The following KATNBL1 variants were observed in gnomAD, a reference collection of about 807,000 sequenced individuals.
KATNBL1 encodes the protein KATNB1-like protein 1.
KATNBL1 carries 28 observed loss-of-function variants against 44.7 expected under a neutral mutation model. The ratio of observed to expected loss-of-function variants is 0.63; its 90% CI spans 0.46 to 0.86. KATNBL1 has a LOEUF of 0.86. Among genes scored for constraint, KATNBL1 ranks in the 40% least tolerant of loss-of-function variants. The pLI is 0.00. For missense variants in KATNBL1, 272 were observed against 350.7 expected, an observed-to-expected ratio of 0.78 and a Z score of 1.79; for synonymous variants, 78 against 114.9, an observed-to-expected ratio of 0.68 and a Z score of 2.06.
At chr15:34,147,126 A>C in intron 7 of KATNBL1, 74 bp downstream of exon 7, 3 of 886,516 alleles carry the variant, frequency 3.4e-6, no homozygotes, top group Non-Finnish European at 3.7e-6. Flanking sequence ...AGCCCAATCT[A>C]CTATGTACTC....
chr15:34,156,593 T>C (rs1888645474), intron 2 of KATNBL1, among the ~76,000 whole-genome samples: 1 of 152,190 alleles, frequency 6.6e-6, no homozygotes. Context: ...TGTCATTAGA[T>C]GGAGGAAGAA....
intron 9 of KATNBL1, chr15:34,144,921 A>T: frequency 3.3e-6 from 1 of 299,780 alleles, no homozygotes; most frequent in Non-Finnish European, 5.0e-6. Flanking sequence ...AGCAATTTTT[A>T]CTTTTTCCTT....
chr15:34,176,242 G>A (rs547209798), intron 1 of KATNBL1, among the ~76,000 whole-genome samples: 2 of 151,904 alleles, frequency 1.3e-5, no homozygotes, highest in African/African-American at 2.4e-5. Context: ...GCTGGGCGTG[G>A]TGGCAGGCGC....
At chr15:34,164,983 T>C (rs1160575170) in intron 1 of KATNBL1, among the ~76,000 whole-genome samples, 1 of 152,248 alleles carries the variant, frequency 6.6e-6, no homozygotes, top group African/African-American at 2.4e-5. Flanking sequence ...CATGAAATTT[T>C]ACAAATAATT....
chr15:34,152,275 A>G (rs1888503752), intron 4 of KATNBL1, among the ~76,000 whole-genome samples: 1 of 151,510 alleles, frequency 6.6e-6, no homozygotes, highest in East Asian at 1.9e-4. Context: ...ATCTCAACTC[A>G]CTGCAACTTC....
chr15:34,171,923 C>G (rs905116447), intron 1 of KATNBL1, among the ~76,000 whole-genome samples: 36 of 146,320 alleles, frequency 2.5e-4, no homozygotes, highest in African/African-American at 6.9e-4. Flanking sequence ...ACATCACACA[C>G]CAGGGCCTGT....
intron 1 of KATNBL1, among the ~76,000 whole-genome samples, chr15:34,199,090 C>T (rs1013127732): frequency 6.6e-6 from 1 of 152,148 alleles, no homozygotes; most frequent in Admixed American, 6.5e-5. Context: ...AAAGGGTACC[C>T]CATCAGGTTA....
intron 2 of KATNBL1, among the ~76,000 whole-genome samples, chr15:34,157,035 G>T (rs933880855): frequency 1.1e-4 from 17 of 152,160 alleles, no homozygotes; most frequent in African/African-American, 4.1e-4. Context: ...CCAGTTAACA[G>T]AATTCCAGTC....
chr15:34,208,815 A>T (rs1890358694), intron 1 of KATNBL1: 1 of 152,260 alleles, frequency 6.6e-6, no homozygotes, highest in Non-Finnish European at 1.5e-5. Context: ...ATGAAATGAA[A>T]GGGCTTTGTA....
At position 34,191,154 on chromosome 15, in the gene KATNBL1, C is replaced by CATATAT. The variant is rs57428240; in HGVS notation, c.-15+18791_-15+18796dup. Among the ~76,000 whole-genome samples, 455 of 136,114 alleles carry CATATAT rather than the reference C, an allele frequency of 3.3e-3. 2 individuals carry two copies. The highest frequency in any genetic ancestry group is 0.012 in the Middle Eastern group (3 of 244). 89.3% of individuals were successfully genotyped at this position (136,114 alleles called of 152,430 possible). A position where few individuals can be genotyped will look rare whatever the true frequency, so the allele number is the denominator to read the frequency against. ...CAAAAATTTCATATAAATCATAGACCATATATATATATATATATATATATA... is the reference window on the plus strand; with the variant it reads ...CAAAAATTTCATATAAATCATAGACCATATATATATATATATATATATATATATATA... On this transcript the variant is annotated intron_variant, in intron 1 of 9. Transcript: ENST00000256544.
In KATNBL1 at chr15:34,179,087, A is replaced by C. The variant is rs567727078; in HGVS notation, c.-14-15397T>G. Among the ~76,000 whole-genome samples the C allele has an allele frequency of 2.6e-5, 4 of 152,352 alleles. No homozygotes were observed. In the South Asian group the frequency reaches 8.3e-4, roughly 32 times the overall value. ...AAAGGCTGTTTTGTGAAGTGAAGCC[A>C]AGTCCAAAAATAATGGTTGTCTTAG... On this transcript the variant is annotated intron_variant, in intron 1 of 9. Coordinates refer to ENST00000256544, the MANE Select transcript of KATNBL1 (RefSeq NM_024713.3).
At chr15:34,173,132 T>C (rs1042896593) in intron 1 of KATNBL1, among the ~76,000 whole-genome samples, 1 of 149,744 alleles carries the variant, frequency 6.7e-6, no homozygotes, top group African/African-American at 2.4e-5. Context: ...ACCAGAAGAC[T>C]GGTTTAGAGG....
chr15:34,191,151 G>C (rs1889859540), intron 1 of KATNBL1, among the ~76,000 whole-genome samples: 1 of 73,812 alleles, frequency 1.4e-5, no homozygotes, highest in African/African-American at 4.9e-5. Flanking sequence ...ATAAATCATA[G>C]ACCATATATA....
chr15:34,161,264 A>C (rs538568169), intron 2 of KATNBL1, among the ~76,000 whole-genome samples: 13 of 151,954 alleles, frequency 8.6e-5, no homozygotes, highest in Admixed American at 5.2e-4. Context: ...TTTTTCCCCC[A>C]AGTTGTTGGT....
At position 34,204,018 on chromosome 15, in the gene KATNBL1, TAATTA is replaced by T. The variant is rs754652693; in HGVS notation, c.-15+5928_-15+5932del. Reference sequence around the variant, plus strand: ...CATTCTGCACACGTACCTCAGAACTTAATTAAAAAAAAAAAAAAAAAAGAGCCAGT... The same window carrying T: ...CATTCTGCACACGTACCTCAGAACTTAAAAAAAAAAAAAAAAAGAGCCAGT... On this transcript the variant is annotated intron_variant, in intron 1 of 9. Coordinates refer to ENST00000256544, the MANE Select transcript of KATNBL1 (RefSeq NM_024713.3). Among the ~76,000 whole-genome samples the T allele has an allele frequency of 4.9e-3, 423 of 86,060 alleles. 2 individuals carry two copies. Among genetic ancestry groups the T allele is most frequent in the Non-Finnish European group, 9.2e-3 (331 of 36,152 alleles). The allele number at this position is 86,060 out of a possible 152,430, so 56.5% of individuals were successfully genotyped here.
chr15:34,149,285 A>T (rs565185865), intron 4 of KATNBL1, among the ~76,000 whole-genome samples: 109 of 152,244 alleles, frequency 7.2e-4, no homozygotes, highest in Non-Finnish European at 1.5e-3. Flanking sequence ...TAACAGACTG[A>T]TATGTATCTT....
At chr15:34,195,678 G>C (rs1383184975) in intron 1 of KATNBL1, among the ~76,000 whole-genome samples, 1 of 137,488 alleles carries the variant, frequency 7.3e-6, no homozygotes, top group Non-Finnish European at 1.5e-5. Flanking sequence ...GCAACAGAGA[G>C]AGACGCCATC....
In KATNBL1 at chr15:34,140,965, A is replaced by G. The variant is rs902510602; in HGVS notation, c.*1374T>C. The G allele has an allele frequency of 6.6e-6, 1 of 152,202 alleles. No individual in the cohort carries two copies. Among genetic ancestry groups the G allele is most frequent in the African/African-American group, 2.4e-5 (1 of 41,470 alleles). 9.4% of individuals were successfully genotyped at this position (152,202 alleles called of 1,614,324 possible). A position where few individuals can be genotyped will look rare whatever the true frequency, so the allele number is the denominator to read the frequency against. On this transcript the variant is annotated 3_prime_UTR_variant, in exon 10 of 10. Coordinates refer to ENST00000256544, the MANE Select transcript of KATNBL1 (RefSeq NM_024713.3). ...AAGAAATCTGCTTGAGATTCGTATCAGTAGTCATTAAACGAATAAATGCTA... is the reference window on the plus strand; with the variant it reads ...AAGAAATCTGCTTGAGATTCGTATCGGTAGTCATTAAACGAATAAATGCTA...
At chr15:34,188,136 GTAAAAAAAAA>G (rs1345191868) in intron 1 of KATNBL1, among the ~76,000 whole-genome samples, 1 of 6,578 alleles carries the variant, frequency 1.5e-4, no homozygotes, top group Non-Finnish European at 4.4e-4. Context: ...AAGACGCCAT[GTAAAAAAAAA>G]AAAAAAAAAA....
Sources: gnomAD v4.1 joint callset for allele counts (sites outside exome capture counted in the v4.1 genomes callset) on GRCh38, gnomAD v4.1.1 for gene constraint, MANE v1.5 for transcripts, NCBI Gene and HGNC (gene_info 2026-07-23, HGNC 2026-07-21) for gene names.